Variants in FAM107B observed in about 807,000 individuals in gnomAD.
FAM107B encodes the protein family with sequence similarity 107 member B.
FAM107B carries 21 observed loss-of-function variants against 31.5 expected under a neutral mutation model. That is an observed-to-expected ratio of 0.67 (90% CI 0.47 to 0.96). FAM107B has a LOEUF of 0.96. Ranked by LOEUF, FAM107B falls within the 40% of genes least tolerant of loss-of-function variation. FAM107B has a pLI of 0.00. For missense variants in FAM107B, 452 were observed against 377.1 expected, an observed-to-expected ratio of 1.20 and a Z score of -1.64; for synonymous variants, 157 against 141.5, an observed-to-expected ratio of 1.11 and a Z score of -0.78.
At chr10:14,643,654 C>A (rs1853683892) in intron 2 of FAM107B, among the ~76,000 whole-genome samples, 1 of 152,150 alleles carries the variant, frequency 6.6e-6, no homozygotes, top group South Asian at 2.1e-4. Context: ...AAGTGATCTG[C>A]CCACCTCGGC....
intron 2 of FAM107B, chr10:14,661,796 C>T (rs1021486412): frequency 2.6e-5 from 4 of 152,212 alleles, no homozygotes; most frequent in African/African-American, 7.2e-5. Flanking sequence ...CAGGTGAGAA[C>T]AGGTAAACCA....
chr10:14,548,605 A>G, intron 2 of FAM107B: 1 of 985,468 alleles, frequency 1.0e-6, no homozygotes, highest in African/African-American at 1.7e-5. Flanking sequence ...GGGAAGGCAG[A>G]GACAGCCCCT....
At chr10:14,532,420 G>A (rs1288235503) in intron 2 of FAM107B, among the ~76,000 whole-genome samples, 2 of 152,186 alleles carry the variant, frequency 1.3e-5, no homozygotes, top group Non-Finnish European at 2.9e-5. Flanking sequence ...TAATGTAGCT[G>A]CAACATTTGT....
Position 14,521,276 on chromosome 10 carries a change from C to T in FAM107B, c.835G>A (p.Glu279Lys), listed in dbSNP as rs556308750. ...LELEKQKLQE[E>K]QENAPEFVKV... ...ACAAACTCGGGGGCATTTTCTTGCTCTTCTTGCAATTTCTGCTTCTCAAGT... is the reference window on the plus strand; with the variant it reads ...ACAAACTCGGGGGCATTTTCTTGCTTTTCTTGCAATTTCTGCTTCTCAAGT... Residue 279 changes from glutamate (E) to lysine (K), a missense_variant, in exon 5 of 5, where the codon GAG (glutamate) becomes AAG (lysine). Glu to Lys is a moderately conservative substitution (Grantham distance 56, BLOSUM62 1). Coordinates refer to ENST00000181796, the MANE Select transcript of FAM107B (RefSeq NM_031453.4). The T allele has an allele frequency of 6.2e-7, 1 of 1,614,116 alleles. No homozygotes were observed. Among genetic ancestry groups the T allele is most frequent in the African/African-American group, 1.3e-5 (1 of 75,038 alleles).
At chr10:14,541,753 A>G (rs530388844) in intron 2 of FAM107B, among the ~76,000 whole-genome samples, 1 of 152,238 alleles carries the variant, frequency 6.6e-6, no homozygotes, top group Admixed American at 6.5e-5. Context: ...CCTCTCCCCT[A>G]TGCTCTGGCA....
rs149744593 is a variant in FAM107B at position 14,757,971 on chromosome 10, T to G, written c.411+16282A>C. Among the ~76,000 whole-genome samples, 36 of 152,318 alleles carry G rather than the reference T, an allele frequency of 2.4e-4. No homozygotes were observed. The East Asian group carries it at 6.6e-3, about 28-fold the overall frequency. ...AGGTAAGTTTTGAAAGATCTCCAGT[T>G]AGTTGCCAAGTATATAATTATGCTT... On this transcript the variant is annotated intron_variant, in intron 1 of 4. Coordinates refer to ENST00000181796, the MANE Select transcript of FAM107B (RefSeq NM_031453.4).
chr10:14,621,569 A>C (rs1410159655), intron 2 of FAM107B, among the ~76,000 whole-genome samples: 2 of 151,166 alleles, frequency 1.3e-5, no homozygotes, highest in African/African-American at 4.8e-5. Context: ...GAATTAAAGA[A>C]TATAAAAAGG....
intron 2 of FAM107B, among the ~76,000 whole-genome samples, chr10:14,543,916 G>T (rs1310323086): frequency 6.6e-6 from 1 of 152,138 alleles, no homozygotes; most frequent in Non-Finnish European, 1.5e-5. Context: ...CACCCTGAGG[G>T]CCTGACTGAC....
At chr10:14,536,472 G>A (rs999517070) in intron 2 of FAM107B, among the ~76,000 whole-genome samples, 10 of 152,164 alleles carry the variant, frequency 6.6e-5, no homozygotes, top group African/African-American at 1.7e-4. Flanking sequence ...ACTCCAGGCC[G>A]GGTCAGCCTG....
rs758464401 is a variant in FAM107B, at chr10:14,774,578, G to A, written c.86C>T (p.Ala29Val). ...MHPFPCSALLACFGNTRESAS... is the reference protein window; with the variant it reads ...MHPFPCSALLVCFGNTRESAS... ...ACTCTCCCTCGTATTCCCAAAACAGGCGAGCAGAGCTGAGCACGGAAATGG... is the reference window on the plus strand; with the variant it reads ...ACTCTCCCTCGTATTCCCAAAACAGACGAGCAGAGCTGAGCACGGAAATGG... Residue 29 changes from alanine to valine, a missense_variant, in exon 1 of 5, where the codon GCC becomes GTC. Coordinates refer to ENST00000181796, the MANE Select transcript of FAM107B (RefSeq NM_031453.4). 14 of 1,614,180 alleles carry A rather than the reference G, an allele frequency of 8.7e-6. No homozygotes were observed. The highest frequency in any genetic ancestry group is 1.2e-5 in the Non-Finnish European group (14 of 1,180,036).
At chr10:14,544,914 G>A (rs1186639421) in intron 2 of FAM107B, among the ~76,000 whole-genome samples, 1 of 152,178 alleles carries the variant, frequency 6.6e-6, no homozygotes, top group African/African-American at 2.4e-5. Flanking sequence ...CTACGTGTGT[G>A]TCTGTGTGTA....
intron 1 of FAM107B, among the ~76,000 whole-genome samples, chr10:14,764,404 C>T (rs1389705848): frequency 1.3e-5 from 2 of 152,146 alleles, no homozygotes; most frequent in Non-Finnish European, 2.9e-5. Flanking sequence ...TTGTCATTTT[C>T]CACTTAACTG....
At chr10:14,535,841 C>A (rs778606650) in intron 2 of FAM107B, among the ~76,000 whole-genome samples, 1 of 152,236 alleles carries the variant, frequency 6.6e-6, no homozygotes, top group African/African-American at 2.4e-5. Context: ...GAGCAACACA[C>A]GGAAGTCATT....
chr10:14,522,076 T>G lies in FAM107B; in HGVS notation c.654-57A>C, dbSNP rs185220044. On this transcript the variant is annotated intron_variant, in intron 3 of 4. Transcript: ENST00000181796. The stretch of plus-strand genomic sequence containing the variant: ...GTTAATCTAATGGCTACATTTTTTA[T>G]GAACAGAAATTTAACTTACAATATC... 4 of 1,566,222 alleles carry G rather than the reference T, an allele frequency of 2.6e-6. No homozygotes were observed. In the East Asian group the frequency reaches 9.0e-5, roughly 35 times the overall value.
chr10:14,585,005 C>A (rs574208567), intron 2 of FAM107B, among the ~76,000 whole-genome samples: 1 of 152,146 alleles, frequency 6.6e-6, no homozygotes, highest in African/African-American at 2.4e-5. Flanking sequence ...TCCCCTCTTG[C>A]TGATTCAAAT....
At chr10:14,742,321 T>G (rs559303487) in intron 1 of FAM107B, among the ~76,000 whole-genome samples, 1 of 151,156 alleles carries the variant, frequency 6.6e-6, no homozygotes, top group African/African-American at 2.4e-5. Context: ...TCTCACTATG[T>G]TGCCCAGGCT....
In FAM107B at chr10:14,669,054, A is replaced by G. The variant is rs78686909; in HGVS notation, c.412-1363T>C. Among the ~76,000 whole-genome samples the G allele has an allele frequency of 3.5e-3, 529 of 152,194 alleles. 24 individuals carry two copies. The East Asian group carries it at 0.087, about 25-fold the overall frequency. ...CCTGGATTAGAACCCACCAGACTCT[A>G]GAGCTCAGGTAGTAAGATAAAGAAA... On this transcript the variant is annotated intron_variant, in intron 1 of 4. Transcript: ENST00000181796.
intron 2 of FAM107B, among the ~76,000 whole-genome samples, chr10:14,548,826 GCACACACACGCA>G (rs1431954313): frequency 1.4e-4 from 7 of 49,266 alleles, no homozygotes; most frequent in East Asian, 1.5e-3. Flanking sequence ...ACATGCACAC[GCACACACACGCA>G]CACACACACC....
chr10:14,661,815 C>T (rs1854248903), intron 2 of FAM107B: 1 of 152,192 alleles, frequency 6.6e-6, no homozygotes, highest in Admixed American at 6.5e-5. Flanking sequence ...CAGTGACTAT[C>T]CCTGTCCTCA....
Sources: gnomAD v4.1 joint callset for allele counts (sites outside exome capture counted in the v4.1 genomes callset) on GRCh38, gnomAD v4.1.1 for gene constraint, MANE v1.5 for transcripts, NCBI Gene and HGNC (gene_info 2026-07-23, HGNC 2026-07-21) for gene names.